RALYL: variants seen among roughly 807,000 people sequenced by gnomAD.
RALYL encodes RALY RNA binding protein like, also known as RNA-binding Raly-like protein.
In RALYL, 29 loss-of-function variants were observed where a neutral mutation model predicts 35.1. The observed-to-expected ratio is 0.83, with a 90% CI of 0.61 to 1.13. The LOEUF is 1.13. RALYL is among the 50% of genes most tolerant of loss of function. The probability of loss-of-function intolerance (pLI) is 0.00; values close to 1 mark genes in which losing one functional copy is unlikely to be tolerated. For synonymous variants in RALYL, 120 were observed against 127.6 expected, an observed-to-expected ratio of 0.94 and a Z score of 0.40; for missense variants, 359 against 360.4, an observed-to-expected ratio of 1.00 and a Z score of 0.03.
chr8:84,519,033 T>C (rs1400089211), intron 1 of RALYL, among the ~76,000 whole-genome samples: 1 of 152,220 alleles, frequency 6.6e-6, no homozygotes, highest in Non-Finnish European at 1.5e-5. Flanking sequence ...CCAGTGAATA[T>C]ACAAGAACAG....
At chr8:84,800,515 C>T (rs955762899) in intron 3 of RALYL, among the ~76,000 whole-genome samples, 2 of 152,122 alleles carry the variant, frequency 1.3e-5, no homozygotes, top group African/African-American at 4.8e-5. Flanking sequence ...TTTTATTTCT[C>T]CACTATGTCT....
intron 1 of RALYL, among the ~76,000 whole-genome samples, chr8:84,375,886 A>G (rs113646823): frequency 0.03 from 4,482 of 151,882 alleles, 215 homozygotes; most frequent in African/African-American, 0.1. Context: ...TGAGAAACAC[A>G]ACTGCCATTG....
intron 1 of RALYL, among the ~76,000 whole-genome samples, chr8:84,420,378 C>T (rs1169287190): frequency 6.6e-6 from 1 of 152,124 alleles, no homozygotes; most frequent in Non-Finnish European, 1.5e-5. Flanking sequence ...CCTTCACCCA[C>T]TTTTTGATGG....
At chr8:84,613,471 C>G (rs961926541) in intron 2 of RALYL, among the ~76,000 whole-genome samples, 1 of 151,362 alleles carries the variant, frequency 6.6e-6, no homozygotes, top group East Asian at 1.9e-4. Flanking sequence ...AAGACACTGA[C>G]ACAGGTACCT....
chr8:84,803,426 A>G (rs1823835502), intron 3 of RALYL, among the ~76,000 whole-genome samples: 1 of 152,166 alleles, frequency 6.6e-6, no homozygotes, highest in Non-Finnish European at 1.5e-5. Context: ...TTCCCTCCCT[A>G]GTTCTGTTTG....
At chr8:84,502,913 T>A (rs1365619242) in intron 1 of RALYL, among the ~76,000 whole-genome samples, 6 of 144,762 alleles carry the variant, frequency 4.1e-5, no homozygotes, top group Non-Finnish European at 6.1e-5. Context: ...ACCCACTCTT[T>A]AAAAAAAAAA....
At chr8:84,868,275 C>A (rs1839549323) in intron 6 of RALYL, among the ~76,000 whole-genome samples, 1 of 152,140 alleles carries the variant, frequency 6.6e-6, no homozygotes, top group Non-Finnish European at 1.5e-5. Context: ...GGCATGTAAC[C>A]TCAAACTCCT....
chr8:84,504,266 T>C (rs1297878910), intron 1 of RALYL, among the ~76,000 whole-genome samples: 8 of 152,136 alleles, frequency 5.3e-5, no homozygotes, highest in East Asian at 1.9e-4. Flanking sequence ...GAAATAACAA[T>C]GACCTATTCA....
chr8:84,294,848 T>C (rs1437435032), intron 1 of RALYL, among the ~76,000 whole-genome samples: 3 of 152,024 alleles, frequency 2.0e-5, no homozygotes, highest in African/African-American at 7.2e-5. Context: ...GTGGGCAACC[T>C]AGAATGGGAG....
At chr8:84,302,437 G>C (rs576832899) in intron 1 of RALYL, among the ~76,000 whole-genome samples, 1 of 152,208 alleles carries the variant, frequency 6.6e-6, no homozygotes, top group Admixed American at 6.5e-5. Flanking sequence ...GTTTATTCTA[G>C]TGCCTTCTGA....
chr8:84,433,859 ATAT>A (rs2047419795), intron 1 of RALYL, among the ~76,000 whole-genome samples: 1 of 151,460 alleles, frequency 6.6e-6, no homozygotes, highest in African/African-American at 2.4e-5. Context: ...ATATATATAT[ATAT>A]AATACCATGT....
At chr8:84,632,269 G>T (rs960600599) in intron 2 of RALYL, among the ~76,000 whole-genome samples, 9 of 152,026 alleles carry the variant, frequency 5.9e-5, no homozygotes, top group African/African-American at 1.9e-4. Flanking sequence ...AATGTTTATT[G>T]TTTATAAGCT....
chr8:84,378,804 G>A (rs1857409417), intron 1 of RALYL, among the ~76,000 whole-genome samples: 1 of 151,248 alleles, frequency 6.6e-6, no homozygotes, highest in Non-Finnish European at 1.5e-5. Context: ...TTTTGAGTTT[G>A]TTATCATATG....
At chr8:84,577,150 A>T (rs974420350) in intron 2 of RALYL, among the ~76,000 whole-genome samples, 30 of 152,240 alleles carry the variant, frequency 2.0e-4, no homozygotes, top group Non-Finnish European at 8.8e-5. Context: ...CAAGCAGGCC[A>T]ACAGTTGCGT....
chr8:84,460,816 A>G (rs2050683474), intron 1 of RALYL, among the ~76,000 whole-genome samples: 1 of 151,720 alleles, frequency 6.6e-6, no homozygotes, highest in South Asian at 2.1e-4. Context: ...AAATCAAACT[A>G]TAGATATAAC....
In RALYL at chr8:84,275,461, C is replaced by A. The variant is rs112432844; in HGVS notation, c.-24+91037C>A. On this transcript the variant is annotated intron_variant, in intron 1 of 8. Transcript: ENST00000521268. ...AGATAAAATTATGTATTATGTACAG[C>A]ATGATGTTTTGAAATATATATATAT... 2.8e-4 allele frequency among the ~76,000 whole-genome samples: 42 copies of A among 150,920 alleles called. 1 individual carries two copies. The highest frequency in any genetic ancestry group is 1.0e-3 in the African/African-American group (41 of 41,192).
intron 2 of RALYL, among the ~76,000 whole-genome samples, chr8:84,633,627 A>G (rs536168935): frequency 6.6e-6 from 1 of 152,038 alleles, no homozygotes; most frequent in Non-Finnish European, 1.5e-5. Flanking sequence ...AAACATTGTA[A>G]AAGAGGCTAT....
rs544697552 is a variant in RALYL at position 84,524,261 on chromosome 8, A to T, written c.-23-5038A>T. ...ACTCAAACAGATTTACAAGAAAAAA[A>T]CAAACAACCCCATCAAAAAGTGGGC... is the stretch of plus-strand genomic sequence containing the variant. On this transcript the variant is annotated intron_variant, in intron 1 of 8. Coordinates refer to ENST00000521268, the MANE Select transcript of RALYL (RefSeq NM_173848.7). Among the ~76,000 whole-genome samples the T allele has an allele frequency of 5.3e-5, 8 of 152,322 alleles. No homozygotes were observed. The South Asian group carries it at 1.7e-3, about 32-fold the overall frequency.
At chr8:84,291,955 A>C (rs1470420689) in intron 1 of RALYL, among the ~76,000 whole-genome samples, 2 of 149,948 alleles carry the variant, frequency 1.3e-5, no homozygotes, top group Non-Finnish European at 3.0e-5. Flanking sequence ...ATTATATAAT[A>C]CATGCATTAG....
Sources: gnomAD v4.1 joint callset for allele counts (sites outside exome capture counted in the v4.1 genomes callset) on GRCh38, gnomAD v4.1.1 for gene constraint, MANE v1.5 for transcripts, NCBI Gene and HGNC (gene_info 2026-07-23, HGNC 2026-07-21) for gene names.